Variants in CHN2 observed in about 807,000 individuals in gnomAD.
The protein encoded by CHN2 is beta-chimaerin.
A neutral mutation model predicts 56.3 loss-of-function variants in CHN2; 35 were observed. The observed-to-expected ratio is 0.62, with a 90% CI of 0.47 to 0.82. The LOEUF (loss-of-function observed/expected upper bound fraction) is 0.82. CHN2 is among the 40% of genes least tolerant of loss of function. The pLI, the probability that CHN2 is intolerant of heterozygous loss-of-function variation, is 0.00. For missense variants in CHN2, 491 were observed against 580.5 expected, an observed-to-expected ratio of 0.85 and a Z score of 1.58; for synonymous variants, 210 against 212.8, an observed-to-expected ratio of 0.99 and a Z score of 0.12.
intron 1 of CHN2, among the ~76,000 whole-genome samples, chr7:29,267,774 G>A (rs1156773458): frequency 6.6e-6 from 1 of 152,232 alleles, no homozygotes; most frequent in Non-Finnish European, 1.5e-5. Context: ...TCAAGACAGA[G>A]TCCTCCCGAT....
chr7:29,423,090 T>G (rs915872759), intron 6 of CHN2, among the ~76,000 whole-genome samples: 2 of 152,216 alleles, frequency 1.3e-5, no homozygotes, highest in African/African-American at 4.8e-5. Context: ...ATAGAAAAGA[T>G]TTCAACTGAA....
intron 1 of CHN2, among the ~76,000 whole-genome samples, chr7:29,298,081 C>A (rs1793333743): frequency 6.6e-6 from 1 of 152,116 alleles, no homozygotes; most frequent in Admixed American, 6.5e-5. Context: ...GGTGCCAAAG[C>A]GGCTTTCACC....
chr7:29,209,137 G>T (rs1276933078), intron 1 of CHN2, among the ~76,000 whole-genome samples: 1 of 150,302 alleles, frequency 6.7e-6, no homozygotes, highest in African/African-American at 2.4e-5. Context: ...ACTTAGTCCA[G>T]TTGTGACCCC....
chr7:29,435,894 CTT>C (rs57786505), intron 6 of CHN2, among the ~76,000 whole-genome samples: 7 of 137,410 alleles, frequency 5.1e-5, no homozygotes, highest in Non-Finnish European at 9.4e-5. Flanking sequence ...GAAGCGCCTC[CTT>C]TTTTTTTTTT....
At position 29,337,669 on chromosome 7, in the gene CHN2, G is replaced by A. The variant is rs375702242; in HGVS notation, c.50-16956G>A. 2.9e-4 allele frequency among the ~76,000 whole-genome samples: 44 copies of A among 152,304 alleles called. No homozygotes were observed. In the South Asian group the frequency reaches 8.9e-3, roughly 31 times the overall value. ...CTGCATACATTTGTTCAAGCATTTGGCATGGAAGTGATAAATGCATGCTAA... is the reference window on the plus strand; with the variant it reads ...CTGCATACATTTGTTCAAGCATTTGACATGGAAGTGATAAATGCATGCTAA... On this transcript the variant is annotated intron_variant, in intron 1 of 12. Transcript: ENST00000222792.
intron 6 of CHN2, among the ~76,000 whole-genome samples, chr7:29,444,715 C>T (rs1783910577): frequency 6.6e-6 from 1 of 152,172 alleles, no homozygotes; most frequent in Non-Finnish European, 1.5e-5. Context: ...AACTAGATTC[C>T]ACCTCTCAAT....
Position 29,147,600 on chromosome 7 carries a change from A to G in CHN2, c.274+640A>G, listed in dbSNP as rs138885079. 5.9e-5 allele frequency among the ~76,000 whole-genome samples: 9 copies of G among 152,322 alleles called. No homozygotes were observed. In the East Asian group the frequency reaches 1.7e-3, roughly 29 times the overall value. ...AACTATGTGTAAATCACCCAGCACA[A>G]AGTATGTGCTCAGTGACTGCAGTCA... On this transcript the variant is annotated intron_variant, in intron 2 of 6. Transcript: ENST00000439384.
rs184764920 is a variant in CHN2 at position 29,220,424 on chromosome 7, C to T, written c.49+25434C>T. On this transcript the variant is annotated intron_variant, in intron 1 of 12. Transcript: ENST00000222792. Reference sequence around the variant, plus strand: ...ATTGATACATCTCTAGCAAACCAATCAAGGAAAAAAGAAGAGAAAATACAA... The same window carrying T: ...ATTGATACATCTCTAGCAAACCAATTAAGGAAAAAAGAAGAGAAAATACAA... Among the ~76,000 whole-genome samples the T allele has an allele frequency of 7.3e-5, 11 of 151,488 alleles. No individual in the cohort carries two copies. The East Asian group carries it at 9.7e-4, about 13-fold the overall frequency.
At chr7:29,456,805 G>A (rs1784804526) in intron 6 of CHN2, among the ~76,000 whole-genome samples, 1 of 152,090 alleles carries the variant, frequency 6.6e-6, no homozygotes, top group Non-Finnish European at 1.5e-5. Context: ...TAGGGCACAG[G>A]GAGCGTGCAG....
chr7:29,252,583 T>G (rs1339728855), intron 1 of CHN2, among the ~76,000 whole-genome samples: 1 of 19,252 alleles, frequency 5.2e-5, no homozygotes, highest in Non-Finnish European at 8.0e-5. Flanking sequence ...TCTTTGTTTT[T>G]TTTTTTTTTT....
rs186313149 is a variant in CHN2 at position 29,278,714 on chromosome 7, C to T, written c.50-75911C>T. Among the ~76,000 whole-genome samples, 422 of 152,258 alleles carry T rather than the reference C, an allele frequency of 2.8e-3. 2 individuals carry two copies. The highest frequency in any genetic ancestry group is 0.014 in the Middle Eastern group (4 of 294). On this transcript the variant is annotated intron_variant, in intron 1 of 12. Transcript: ENST00000222792. ...ACTTCTATGATGGCCTCTATTTTGC[C>T]GAGGGACCCCAGTGCCCTGCTGAGT...
rs566629268 is a variant in CHN2, at chr7:29,425,248, G to A, written c.576+24420G>A. Among the ~76,000 whole-genome samples, 12 of 152,346 alleles carry A rather than the reference G, an allele frequency of 7.9e-5. No homozygotes were observed. In the South Asian group the frequency reaches 2.5e-3, roughly 32 times the overall value. ...GGAGATGATGTAGATTTCCAGATGA[G>A]TGCATTGTCTGCCTGTGCAAGATGC... On this transcript the variant is annotated intron_variant, in intron 6 of 12. Coordinates refer to ENST00000222792, the MANE Select transcript of CHN2 (RefSeq NM_004067.4).
At chr7:29,309,296 C>T (rs1794407624) in intron 1 of CHN2, among the ~76,000 whole-genome samples, 1 of 152,182 alleles carries the variant, frequency 6.6e-6, no homozygotes, top group Admixed American at 6.5e-5. Context: ...GATGAGCAGC[C>T]TGAGAGTAGC....
chr7:29,184,966 C>T (rs1160680255), intron 2 of CHN2, among the ~76,000 whole-genome samples: 2 of 152,194 alleles, frequency 1.3e-5, no homozygotes, highest in Non-Finnish European at 2.9e-5. Flanking sequence ...CTCTCTGTTG[C>T]TGCCACCATT....
Position 29,507,275 on chromosome 7 carries a change from A to G in CHN2, c.1039A>G (p.Ile347Val), listed in dbSNP as rs754986422. 3.1e-6 allele frequency: 5 copies of G among 1,613,454 alleles called. No individual in the cohort carries two copies. The highest frequency in any genetic ancestry group is 1.7e-5 in the Admixed American group (1 of 59,940). Residue 347 changes from isoleucine (I) to valine (V), a missense_variant, in exon 11 of 13, where the codon ATC becomes GTC. Transcript: ENST00000222792. ...ISANVYPDIN[I>V]ITGALKLYFR... ...TGCCAATGTCTATCCAGACATAAACATCATCACTGGAGCCCTTAAACTGTA... is the reference window on the plus strand; with the variant it reads ...TGCCAATGTCTATCCAGACATAAACGTCATCACTGGAGCCCTTAAACTGTA...
At chr7:29,475,434 C>T (rs775728615) in intron 6 of CHN2, among the ~76,000 whole-genome samples, 1 of 152,168 alleles carries the variant, frequency 6.6e-6, no homozygotes, top group East Asian at 1.9e-4. Context: ...GTAATTCAAG[C>T]ATTCAACCAC....
intron 1 of CHN2, chr7:29,292,926 C>T (rs1190181019): frequency 2.2e-6 from 1 of 456,158 alleles, no homozygotes; most frequent in South Asian, 1.5e-5. Flanking sequence ...TCTCTTCAGT[C>T]TATTCTGAAC....
chr7:29,511,152 G>A (rs575421598), intron 12 of CHN2, among the ~76,000 whole-genome samples: 8 of 8,286 alleles, frequency 9.7e-4, no homozygotes, highest in East Asian at 5.4e-3. Flanking sequence ...AGAAGCAAAC[G>A]GAGGACTGTA....
chr7:29,494,950 TAAAAAAAAAAAAAA>T lies in CHN2; in HGVS notation c.655-984_655-971del, dbSNP rs5883217. ...TTTTTTGTTAAATAAAAGCAGTTTG[TAAAAAAAAAAAAAA>T]AAAAAAAAAAAAAAAAATTGTCTAC... is the stretch of plus-strand genomic sequence containing the variant. On this transcript the variant is annotated intron_variant, in intron 7 of 12. Transcript: ENST00000222792. Among the ~76,000 whole-genome samples the T allele has an allele frequency of 1.7e-4, 11 of 64,658 alleles. 1 individual carries two copies. The highest frequency in any genetic ancestry group is 9.5e-4 in the South Asian group (1 of 1,052). 42.4% of individuals were successfully genotyped at this position (64,658 alleles called of 152,430 possible).
Sources: gnomAD v4.1 joint callset for allele counts (sites outside exome capture counted in the v4.1 genomes callset) on GRCh38, gnomAD v4.1.1 for gene constraint, MANE v1.5 for transcripts, NCBI Gene and HGNC (gene_info 2026-07-23, HGNC 2026-07-21) for gene names.